The following GLB1 variants were observed in gnomAD, a reference collection of about 807,000 sequenced individuals.
GLB1 encodes beta-galactosidase.
GLB1 carries 56 observed loss-of-function variants against 74.0 expected under a neutral mutation model. The observed-to-expected ratio is 0.76, with a 90% CI of 0.61 to 0.94. GLB1 has a LOEUF of 0.94. GLB1 is among the 40% of genes least tolerant of loss of function. The pLI is 0.00. For missense variants in GLB1, 787 were observed against 845.5 expected (o/e 0.93, Z 0.86); for synonymous variants, 323 against 323.6 (o/e 1.00, Z 0.02).
At chr3:32,989,486 G>A in the GLB1 span, among the ~76,000 whole-genome samples, 2 of 152,140 alleles carry the variant, frequency 1.3e-5, no homozygotes. Flanking sequence ...GCCCAGCCTT[G>A]TGAATAAGTC....
At position 33,068,266 on chromosome 3, in the gene GLB1, C is replaced by T; in HGVS notation, c.421G>A (p.Glu141Lys). The change falls in exon 4 of 16, where the codon GAG (glutamate) becomes AAG (lysine). Residue 141 changes from glutamate to lysine, a missense_variant. Coordinates refer to ENST00000307363, the MANE Select transcript of GLB1 (RefSeq NM_000404.4). ...EMGGLPAWLL[E>K]KESILLRSSD... is the part of the protein sequence containing the mutation. ...GAGCGGAGAAGAATAGACTCTTTCT[C>T]TAGCAGCCAAGCAGGTAATCCTCCC... The T allele has an allele frequency of 6.2e-7, 1 of 1,614,126 alleles. No individual in the cohort carries two copies. The highest frequency in any genetic ancestry group is 8.5e-7 in the Non-Finnish European group (1 of 1,179,978).
At chr3:33,065,191 T>C (rs1199013538) in intron 5 of GLB1, among the ~76,000 whole-genome samples, 2 of 152,142 alleles carry the variant, frequency 1.3e-5, no homozygotes, top group Non-Finnish European at 2.9e-5. Context: ...CCAAGTCACT[T>C]AACCTTTTCA....
rs61734781 is a variant in GLB1, at chr3:33,093,659, G to A, written c.75+3352C>T. On this transcript the variant is annotated intron_variant, in intron 1 of 15. Coordinates refer to ENST00000307363, the MANE Select transcript of GLB1 (RefSeq NM_000404.4). This position sits in a 1 kb window ranked among gnomAD's most constrained non-coding sequence, Gnocchi z 6.0. ...GGGGCTGCGCGGCATTCAGAATCCC[G>A]GCCACGCTGAGCACAGCAGTCACTC... 8.2e-3 allele frequency: 13,220 copies of A among 1,614,076 alleles called. 405 individuals carry two copies. The highest frequency in any genetic ancestry group is 0.08 in the African/African-American group (5,975 of 75,008).
intron 1 of GLB1, chr3:33,077,053 G>C: frequency 7.6e-7 from 1 of 1,309,648 alleles, no homozygotes; most frequent in South Asian, 1.3e-5. Context: ...GCGAGACCCT[G>C]TCTCTATAAA....
intron 11 of GLB1, among the ~76,000 whole-genome samples, chr3:33,023,575 GA>G (rs1697597664): frequency 6.7e-6 from 1 of 149,888 alleles, no homozygotes; most frequent in East Asian, 1.9e-4. Context: ...TTTTTCTTGT[GA>G]GTTAATACAT....
In GLB1 at chr3:33,018,495, A is replaced by T. The variant is rs1223446274; in HGVS notation, c.1300T>A (p.Ser434Thr). 1 of 1,613,890 alleles carries T rather than the reference A, an allele frequency of 6.2e-7. No homozygotes were observed. The highest frequency in any genetic ancestry group is 1.3e-5 in the African/African-American group (1 of 74,844). Residue 434 changes from serine to threonine, a missense_variant, in exon 13 of 16, where the codon TCA becomes ACA. Physicochemically the swap from Ser to Thr is moderately conservative, Grantham distance 58. Transcript: ENST00000307363. ...CGATCGTGGACTCCATTGAGGGGTG[A>T]AGAGAGAGGTGCTGGGTTGCTGCAA... Reference protein sequence around the residue: ...QDCSNPAPLSSPLNGVHDRAY... With the variant: ...QDCSNPAPLSTPLNGVHDRAY...
chr3:33,032,099 T>C (rs1285748101), intron 10 of GLB1, among the ~76,000 whole-genome samples: 1 of 152,048 alleles, frequency 6.6e-6, no homozygotes, highest in African/African-American at 2.4e-5. Flanking sequence ...AGCCTGGCAA[T>C]TTCTAAAGAC....
At chr3:33,024,149 G>C (rs896731094) in intron 11 of GLB1, 102 bp downstream of exon 11, 1 of 1,336,720 alleles carries the variant, frequency 7.5e-7, no homozygotes, top group African/African-American at 1.5e-5. Context: ...GAAAAATAAC[G>C]AACCAATTCC....
chr3:33,022,771 G>C (rs1212569028), intron 11 of GLB1, among the ~76,000 whole-genome samples: 2 of 151,778 alleles, frequency 1.3e-5, no homozygotes, highest in Non-Finnish European at 2.9e-5. Context: ...TGTTGGCCAG[G>C]CTGGTCTTGA....
At position 33,093,291 on chromosome 3, in the gene GLB1, T is replaced by C; in HGVS notation, c.75+3720A>G. The C allele has an allele frequency of 6.2e-7, 1 of 1,614,164 alleles. No individual in the cohort carries two copies. The highest frequency in any genetic ancestry group is 8.5e-7 in the Non-Finnish European group (1 of 1,180,036). Reference sequence around the variant, plus strand: ...TGTGGCGGAAATCTTCACGTTCTCATTATGAAGAGGCTGGACATGCAGGGA... The same window carrying C: ...TGTGGCGGAAATCTTCACGTTCTCACTATGAAGAGGCTGGACATGCAGGGA... On this transcript the variant is annotated intron_variant, in intron 1 of 15. Coordinates refer to ENST00000307363, the MANE Select transcript of GLB1 (RefSeq NM_000404.4). This position sits in a 1 kb window ranked among gnomAD's most constrained non-coding sequence, Gnocchi z 6.0.
chr3:33,093,668 G>C lies in GLB1; in HGVS notation c.75+3343C>G. On this transcript the variant is annotated intron_variant, in intron 1 of 15. Coordinates refer to ENST00000307363, the MANE Select transcript of GLB1 (RefSeq NM_000404.4). This position sits in a 1 kb window ranked among gnomAD's most constrained non-coding sequence, Gnocchi z 6.0. ...CGGCATTCAGAATCCCGGCCACGCT[G>C]AGCACAGCAGTCACTCCCACTGCCA... is the stretch of plus-strand genomic sequence containing the variant. 1 of 1,614,090 alleles carries C rather than the reference G, an allele frequency of 6.2e-7. No homozygotes were observed. Among genetic ancestry groups the C allele is most frequent in the Non-Finnish European group, 8.5e-7 (1 of 1,180,028 alleles).
At chr3:33,025,864 G>C (rs1697724738) in intron 10 of GLB1, among the ~76,000 whole-genome samples, 1 of 152,166 alleles carries the variant, frequency 6.6e-6, no homozygotes, top group Admixed American at 6.5e-5. Flanking sequence ...CCCACTCCCA[G>C]GCCCGGAGCC....
intron 15 of GLB1, among the ~76,000 whole-genome samples, chr3:33,004,134 C>T (rs1285176224): frequency 6.6e-6 from 1 of 152,174 alleles, no homozygotes; most frequent in Non-Finnish European, 1.5e-5. Context: ...TGAATCCTGA[C>T]TTTGGCCTTA....
chr3:33,080,833 T>C (rs1014474670), intron 1 of GLB1, among the ~76,000 whole-genome samples: 4 of 152,198 alleles, frequency 2.6e-5, no homozygotes, highest in African/African-American at 4.8e-5. Flanking sequence ...AAGTACGACC[T>C]TGATACCAGG....
At chr3:33,094,309 A>G in intron 1 of GLB1, 2 of 1,484,262 alleles carry the variant, frequency 1.3e-6, no homozygotes, top group Non-Finnish European at 1.8e-6. Context: ...TCCGCCTGCA[A>G]CCAGGAACCA....
rs531250021 is a variant in GLB1, at chr3:33,073,047, G to A, written c.76-334C>T. On this transcript the variant is annotated intron_variant, in intron 1 of 15. Coordinates refer to ENST00000307363, the MANE Select transcript of GLB1 (RefSeq NM_000404.4). ...ACATCACACACACACACGCATGCAC[G>A]CACACACGCCATTGTTGCTGTGACC... 7.2e-5 allele frequency among the ~76,000 whole-genome samples: 11 copies of A among 152,164 alleles called. No individual in the cohort carries two copies. The East Asian group carries it at 2.1e-3, about 29-fold the overall frequency.
chr3:33,058,309 TA>T (rs1200362907), intron 5 of GLB1, 40 bp from the exon 6 acceptor site: 22 of 1,612,452 alleles, frequency 1.4e-5, no homozygotes, highest in Non-Finnish European at 1.3e-5. Context: ...GAGGAGATCC[TA>T]ATGTAGCCAC....
intron 13 of GLB1, among the ~76,000 whole-genome samples, chr3:33,017,407 C>A (rs1443252104): frequency 1.3e-5 from 2 of 152,184 alleles, no homozygotes. Flanking sequence ...ATTGACCTTA[C>A]AATGATCATA....
downstream of GLB1, chr3:32,996,607 C>T (rs748414969): frequency 2.7e-5 from 7 of 258,962 alleles, no homozygotes; most frequent in Non-Finnish European, 4.5e-5. Flanking sequence ...CAAACCAAGA[C>T]TATTTTCCAT....
Sources: allele counts gnomAD v4.1 joint callset (sites outside exome capture counted in the v4.1 genomes callset), GRCh38; gene constraint gnomAD v4.1.1; non-coding constraint Gnocchi (gnomAD v3.1); transcripts MANE v1.5; gene names NCBI Gene and HGNC (gene_info 2026-07-23, HGNC 2026-07-21).